PLXNA4: variants seen among roughly 807,000 people sequenced by gnomAD.
The protein encoded by PLXNA4 is plexin A4.
A neutral mutation model predicts 191.8 loss-of-function variants in PLXNA4; 44 were observed. The observed-to-expected ratio is 0.23, with a 90% CI of 0.18 to 0.29. The LOEUF (loss-of-function observed/expected upper bound fraction) is 0.29, where lower values mean the gene tolerates loss of function less well. PLXNA4 is among the 10% of genes least tolerant of loss of function. PLXNA4 has a pLI of 1.00. For missense variants in PLXNA4, 1,800 were observed against 2,488.8 expected, an observed-to-expected ratio of 0.72 and a Z score of 5.89; for synonymous variants, 1,082 against 1,009.5, an observed-to-expected ratio of 1.07 and a Z score of -1.36.
At chr7:132,162,581 C>A (rs1795982240) in intron 24 of PLXNA4, among the ~76,000 whole-genome samples, 1 of 152,158 alleles carries the variant, frequency 6.6e-6, no homozygotes. Context: ...GGGTGGAAGA[C>A]ATTTACGCAG....
At chr7:132,281,938 T>C (rs1283598756) in intron 4 of PLXNA4, among the ~76,000 whole-genome samples, 1 of 152,218 alleles carries the variant, frequency 6.6e-6, no homozygotes, top group Non-Finnish European at 1.5e-5. Flanking sequence ...ATTGATAATA[T>C]CTGTCACACA....
chr7:132,475,760 A>T (rs1797102094), intron 3 of PLXNA4, among the ~76,000 whole-genome samples: 1 of 150,366 alleles, frequency 6.7e-6, no homozygotes, highest in African/African-American at 2.5e-5. Context: ...GGAGCACTTA[A>T]AAAAAAGCAA....
chr7:132,173,388 C>T (rs546679858), intron 21 of PLXNA4, among the ~76,000 whole-genome samples: 10 of 152,186 alleles, frequency 6.6e-5, no homozygotes, highest in African/African-American at 1.4e-4. Flanking sequence ...CACACATACA[C>T]GCACACAAAC....
chr7:132,546,875 C>T (rs1800332009), intron 1 of PLXNA4, among the ~76,000 whole-genome samples: 1 of 152,094 alleles, frequency 6.6e-6, no homozygotes, highest in South Asian at 2.1e-4. Flanking sequence ...ACAAACAAGG[C>T]TTAGGAATCA....
Position 132,164,166 on chromosome 7 carries a change from G to T in PLXNA4, c.4476C>A (p.Arg1492=). 6.2e-7 allele frequency: 1 copy of T among 1,614,162 alleles called. No homozygotes were observed. The highest frequency in any genetic ancestry group is 8.5e-7 in the Non-Finnish European group (1 of 1,180,054). The change falls in exon 24 of 32, where the codon CGC becomes CGA. Residue 1492 remains arginine, a synonymous_variant. Transcript: ENST00000321063. ...RYSLSEDKLI[R]QQIDYKTLVL... is the part of the protein sequence containing the mutation. ...CCAGGGTTTTGTAGTCAATCTGCTG[G>T]CGGATGAGCTTGTCCTCGCTCAAGG...
At chr7:132,311,156 TTGTGTGTGTGTGTGTGTG>T (rs749947062) in intron 3 of PLXNA4, among the ~76,000 whole-genome samples, 5 of 132,038 alleles carry the variant, frequency 3.8e-5, no homozygotes, top group Admixed American at 7.6e-5. Context: ...TCTAGGATAA[TTGTGTGTGTGTGTGTGTG>T]TGTGTGTGTG....
intron 3 of PLXNA4, among the ~76,000 whole-genome samples, chr7:132,440,282 T>C (rs1795645937): frequency 1.3e-5 from 2 of 152,210 alleles, no homozygotes; most frequent in African/African-American, 2.4e-5. Context: ...GCCTCTCACA[T>C]GCAGCTGTCA....
In PLXNA4 at chr7:132,225,623, C is replaced by CCCA. The variant is rs1554395259; in HGVS notation, c.1982+535_1982+537dup. 2.0e-5 allele frequency among the ~76,000 whole-genome samples: 3 copies of CCCA among 151,346 alleles called. 1 individual carries two copies. Among genetic ancestry groups the CCCA allele is most frequent in the African/African-American group, 7.3e-5 (3 of 41,296 alleles). On this transcript the variant is annotated intron_variant, in intron 8 of 31. Coordinates refer to ENST00000321063, the MANE Select transcript of PLXNA4 (RefSeq NM_020911.2). ...ACCCCTAAGCCAGAGTCCGCCCCCC[C>CCCA]CCACAGCTTTCTGCCTCCCTCTGGC... is the stretch of plus-strand genomic sequence containing the variant.
At chr7:132,225,919 A>G (rs917897187) in intron 8 of PLXNA4, among the ~76,000 whole-genome samples, 1 of 152,048 alleles carries the variant, frequency 6.6e-6, no homozygotes, top group Non-Finnish European at 1.5e-5. Context: ...ATAAGTTCTC[A>G]TTTTCTGCTC....
chr7:132,291,594 T>C (rs1800892921), intron 4 of PLXNA4, among the ~76,000 whole-genome samples: 1 of 152,172 alleles, frequency 6.6e-6, no homozygotes, highest in Admixed American at 6.5e-5. Flanking sequence ...AGAAAATATG[T>C]AGCATTTGTG....
In PLXNA4 at chr7:132,129,649, TC is replaced by T. The variant is rs1336965827; in HGVS notation, c.*829del. The T allele has an allele frequency of 6.6e-6, 1 of 152,612 alleles. No homozygotes were observed. The allele number at this position is 152,612 out of a possible 1,614,324, so 9.5% of individuals were successfully genotyped here. A position where few individuals can be genotyped will look rare whatever the true frequency, so the allele number is the denominator to read the frequency against. On this transcript the variant is annotated 3_prime_UTR_variant, in exon 32 of 32. Transcript: ENST00000321063. ...ATTCTGCTTCCAGGGTAGATGCAAC[TC>T]TCTTTCCTTTTCTCCCCCTGTGTTA...
At chr7:132,444,802 C>T (rs766715638) in intron 3 of PLXNA4, among the ~76,000 whole-genome samples, 8 of 151,992 alleles carry the variant, frequency 5.3e-5, no homozygotes, top group Non-Finnish European at 1.2e-4. Flanking sequence ...ACCATGCATG[C>T]AAAATCATTC....
chr7:132,303,836 C>T (rs1431965680), intron 3 of PLXNA4, among the ~76,000 whole-genome samples: 7 of 152,134 alleles, frequency 4.6e-5, no homozygotes, highest in Non-Finnish European at 1.0e-4. Context: ...CAAATAATGC[C>T]AGGTGGCAAA....
intron 1 of PLXNA4, among the ~76,000 whole-genome samples, chr7:132,509,656 G>A (rs568860848): frequency 6.6e-6 from 1 of 152,228 alleles, no homozygotes; most frequent in East Asian, 1.9e-4. Flanking sequence ...TGCACAGTTG[G>A]GGCTGTACCG....
chr7:132,575,032 A>C (rs1183479819), intron 1 of PLXNA4, among the ~76,000 whole-genome samples: 1 of 152,206 alleles, frequency 6.6e-6, no homozygotes, highest in Non-Finnish European at 1.5e-5. Flanking sequence ...AAATGATATG[A>C]TCATGTTGCC....
At chr7:132,384,095 T>C (rs2116954285) in intron 3 of PLXNA4, 1 of 985,448 alleles carries the variant, frequency 1.0e-6, no homozygotes, top group African/African-American at 1.7e-5. Flanking sequence ...TCACTTTCAG[T>C]GCAAGCACAC....
intron 3 of PLXNA4, among the ~76,000 whole-genome samples, chr7:132,307,107 C>A (rs1398999543): frequency 6.6e-6 from 1 of 152,072 alleles, no homozygotes; most frequent in Non-Finnish European, 1.5e-5. Context: ...CATCTCCCCA[C>A]CAGAGGAGCT....
At chr7:132,324,382 C>G (rs1310603865) in intron 3 of PLXNA4, among the ~76,000 whole-genome samples, 1 of 152,094 alleles carries the variant, frequency 6.6e-6, no homozygotes, top group Non-Finnish European at 1.5e-5. Flanking sequence ...AGTTCATTTT[C>G]CCCCCAATGA....
intron 28 of PLXNA4, among the ~76,000 whole-genome samples, chr7:132,145,915 CAAAAA>C (rs397778925): frequency 1.1e-5 from 1 of 92,396 alleles, no homozygotes. Context: ...ACTAAAAATA[CAAAAA>C]AAAAAAAAAA....
Sources: gnomAD v4.1 joint callset for allele counts (sites outside exome capture counted in the v4.1 genomes callset) on GRCh38, gnomAD v4.1.1 for gene constraint, MANE v1.5 for transcripts, NCBI Gene and HGNC (gene_info 2026-07-23, HGNC 2026-07-21) for gene names.